NAV3: variants seen among roughly 807,000 people sequenced by gnomAD.
The protein encoded by NAV3 is pore membrane and/or filament interacting like protein 1.
Under a neutral mutation model 244.7 loss-of-function variants are expected in NAV3, and 87 were observed. The ratio of observed to expected loss-of-function variants is 0.36; its 90% CI spans 0.30 to 0.42. The LOEUF (loss-of-function observed/expected upper bound fraction) is 0.42, where lower values mean the gene tolerates loss of function less well. Ranked by LOEUF, NAV3 falls within the 20% of genes least tolerant of loss-of-function variation. NAV3 has a pLI of 1.00. For synonymous variants in NAV3, 1,126 were observed against 1,042.2 expected, an observed-to-expected ratio of 1.08 and a Z score of -1.55; for missense variants, 2,663 against 2,893.3, an observed-to-expected ratio of 0.92 and a Z score of 1.83.
At chr12:78,095,651 C>T (rs547570290) in intron 12 of NAV3, among the ~76,000 whole-genome samples, 3 of 152,132 alleles carry the variant, frequency 2.0e-5, no homozygotes, top group South Asian at 4.2e-4. Flanking sequence ...TGAGGTGTTT[C>T]GTGAAGACAA....
At chr12:77,754,681 T>C (rs1270230376) in intron 2 of NAV3, among the ~76,000 whole-genome samples, 1 of 152,210 alleles carries the variant, frequency 6.6e-6, no homozygotes, top group Non-Finnish European at 1.5e-5. Flanking sequence ...CTAGTATTAG[T>C]GAAACTTTGT....
At chr12:77,730,253 A>G (rs1327356095) in intron 2 of NAV3, among the ~76,000 whole-genome samples, 1 of 152,040 alleles carries the variant, frequency 6.6e-6, no homozygotes, top group Non-Finnish European at 1.5e-5. Flanking sequence ...ACAGTTAGCA[A>G]AAGAAAAACT....
chr12:77,831,773 A>G (rs1873749362), intron 1 of NAV3, 69 bp downstream of exon 1: 1 of 1,496,594 alleles, frequency 6.7e-7, no homozygotes, highest in Middle Eastern at 2.1e-4. Context: ...TGCACTATAA[A>G]ACATGTTATG....
At chr12:78,102,404 C>T (rs1436175053) in intron 12 of NAV3, among the ~76,000 whole-genome samples, 1 of 152,222 alleles carries the variant, frequency 6.6e-6, no homozygotes, top group African/African-American at 2.4e-5. Flanking sequence ...CAGCTCTGCC[C>T]CTGTGGCTTT....
intron 2 of NAV3, among the ~76,000 whole-genome samples, chr12:77,824,022 A>G (rs940897236): frequency 6.6e-6 from 1 of 152,168 alleles, no homozygotes; most frequent in Non-Finnish European, 1.5e-5. Context: ...AGAGGTAAAG[A>G]TTAATGAACT....
At chr12:78,088,585 TTC>T (rs747861547) in intron 12 of NAV3, among the ~76,000 whole-genome samples, 10 of 152,296 alleles carry the variant, frequency 6.6e-5, no homozygotes, top group East Asian at 5.8e-4. Flanking sequence ...TACTTGTTTC[TTC>T]TCTCTTTGTC....
At chr12:78,142,995 A>G (rs1956695212) in intron 20 of NAV3, among the ~76,000 whole-genome samples, 1 of 152,108 alleles carries the variant, frequency 6.6e-6, no homozygotes, top group Non-Finnish European at 1.5e-5. Flanking sequence ...CCAGTCCGCC[A>G]TGATCAGGCC....
At chr12:78,004,830 T>C (rs1332314880) in intron 7 of NAV3, among the ~76,000 whole-genome samples, 1 of 152,174 alleles carries the variant, frequency 6.6e-6, no homozygotes, top group Non-Finnish European at 1.5e-5. Flanking sequence ...GGAAGTATCT[T>C]ATATGTGTGT....
rs1020323951 is a variant in NAV3, at chr12:77,807,001, C to CT, written c.73-133310dup. 8.8e-4 allele frequency among the ~76,000 whole-genome samples: 134 copies of CT among 151,946 alleles called. 1 individual carries two copies. Among genetic ancestry groups the CT allele is most frequent in the African/African-American group, 2.9e-3 (120 of 41,438 alleles). On this transcript the variant is annotated intron_variant, in intron 2 of 8. Coordinates refer to the NAV3 transcript ENST00000550042. ...TCAGAGTCTAGTATTGCAACCCCTG[C>CT]TTTTTTTTGGCTTTCTATTATTTGC...
At chr12:77,905,414 T>A (rs1274295791) in intron 1 of NAV3, among the ~76,000 whole-genome samples, 2 of 152,110 alleles carry the variant, frequency 1.3e-5, no homozygotes, top group Non-Finnish European at 2.9e-5. Flanking sequence ...TACTATAAAA[T>A]TTTAAAAATA....
At chr12:78,013,758 G>T (rs1284190255) in intron 8 of NAV3, among the ~76,000 whole-genome samples, 1 of 152,038 alleles carries the variant, frequency 6.6e-6, no homozygotes, top group Non-Finnish European at 1.5e-5. Flanking sequence ...GGATGAACCA[G>T]GTTAAATGTA....
At chr12:78,110,692 T>TG (rs556741846) in intron 12 of NAV3, among the ~76,000 whole-genome samples, 109,393 of 151,096 alleles carry the variant, frequency 0.72, 39,788 homozygotes, top group Non-Finnish European at 0.77. Context: ...TATATATATA[T>TG]AGTGTGTGTG....
chr12:77,578,287 C>A (rs139751538), intron 2 of NAV3, among the ~76,000 whole-genome samples: 5 of 152,216 alleles, frequency 3.3e-5, no homozygotes, highest in African/African-American at 1.2e-4. Context: ...TTTTAAGATC[C>A]CCCGGTGACT....
intron 2 of NAV3, among the ~76,000 whole-genome samples, chr12:77,708,842 C>T (rs975883192): frequency 6.6e-6 from 1 of 152,108 alleles, no homozygotes; most frequent in African/African-American, 2.4e-5. Flanking sequence ...GGAGTTCACT[C>T]ATGATTTGGC....
intron 33 of NAV3, among the ~76,000 whole-genome samples, chr12:78,189,339 C>T (rs1958867515): frequency 6.6e-6 from 1 of 151,758 alleles, no homozygotes; most frequent in Non-Finnish European, 1.5e-5. Context: ...TCTATATAAA[C>T]TGTGAGTTAA....
At chr12:77,818,901 TA>T (rs1302989260) in intron 2 of NAV3, among the ~76,000 whole-genome samples, 2 of 152,098 alleles carry the variant, frequency 1.3e-5, no homozygotes, top group Admixed American at 6.6e-5. Flanking sequence ...CAGATTCTTT[TA>T]AAAGTAAACA....
chr12:78,087,025 T>A (rs996673243), intron 12 of NAV3, among the ~76,000 whole-genome samples: 1 of 152,046 alleles, frequency 6.6e-6, no homozygotes, highest in Non-Finnish European at 1.5e-5. Context: ...TATGTTATTT[T>A]TGTGGTTTTC....
chr12:78,022,199 C>A (rs1451605620), intron 9 of NAV3, among the ~76,000 whole-genome samples: 1 of 152,058 alleles, frequency 6.6e-6, no homozygotes, highest in Non-Finnish European at 1.5e-5. Flanking sequence ...GCTAATGCAG[C>A]CTGCTCTGTC....
chr12:77,773,487 T>C (rs886267076), intron 2 of NAV3, among the ~76,000 whole-genome samples: 1 of 152,170 alleles, frequency 6.6e-6, no homozygotes, highest in African/African-American at 2.4e-5. Context: ...CATTTATATA[T>C]GCTGGAGATA....
Sources: allele counts gnomAD v4.1 joint callset (sites outside exome capture counted in the v4.1 genomes callset), GRCh38; gene constraint gnomAD v4.1.1; transcripts MANE v1.5; gene names NCBI Gene and HGNC (gene_info 2026-07-23, HGNC 2026-07-21).